SYNJ1: variants seen among roughly 807,000 people sequenced by gnomAD.
The protein encoded by SYNJ1 is synaptojanin 1, also known as polyphosphatidylinositol phosphatase SYNJ1.
A neutral mutation model predicts 168.2 loss-of-function variants in SYNJ1; 78 were observed. That is an observed-to-expected ratio of 0.46 (90% confidence interval 0.39 to 0.56). The LOEUF is 0.56. Ranked by LOEUF, SYNJ1 falls within the 20% of genes least tolerant of loss-of-function variation. The pLI is 0.00. For synonymous variants in SYNJ1, 539 were observed against 548.6 expected (o/e 0.98, Z 0.24); for missense variants, 1,303 against 1,597.6 (o/e 0.82, Z 3.14).
At chr21:32,697,992 T>A (rs2042270729) in intron 4 of SYNJ1, among the ~76,000 whole-genome samples, 1 of 152,192 alleles carries the variant, frequency 6.6e-6, no homozygotes, top group African/African-American at 2.4e-5. Flanking sequence ...GACTTCAACA[T>A]CTTCTACTAG....
chr21:32,708,779 G>A, intron 2 of SYNJ1, among the ~76,000 whole-genome samples: 1 of 127,974 alleles, frequency 7.8e-6, no homozygotes, highest in South Asian at 2.5e-4. Context: ...TTTTTCATTT[G>A]ATACCAGCTC....
In SYNJ1 at chr21:32,642,127, T is replaced by C. The variant is rs763211395; in HGVS notation, c.3485A>G (p.Lys1162Arg). Residue 1162 changes from lysine to arginine, a missense_variant, in exon 28 of 33, where the codon AAA (lysine) becomes AGA (arginine). Lys to Arg is a conservative substitution (Grantham distance 26, BLOSUM62 2). Around this residue, in one of 2 missense-constraint regions of SYNJ1, gnomAD observed 383 missense variants for 388.8 expected, o/e 0.99. Coordinates refer to ENST00000674351, the MANE Select transcript of SYNJ1 (RefSeq NM_203446.3). ...GVARREMEAP[K>R]SPGTTRKDNI... ...ATCTTTCCTTGTTGTTCCAGGGCTT[T>C]TGGGTGCTTTGAAGCAAGAAGGGAA... 1.7e-5 allele frequency: 27 copies of C among 1,613,958 alleles called. No homozygotes were observed. In the East Asian group the frequency reaches 6.0e-4, roughly 36 times the overall value.
intron 13 of SYNJ1, among the ~76,000 whole-genome samples, chr21:32,675,547 T>C (rs2041374643): frequency 6.6e-6 from 1 of 152,054 alleles, no homozygotes; most frequent in Admixed American, 6.5e-5. Context: ...CTCGAGAAAA[T>C]AATCAACAGC....
chr21:32,688,428 C>T, intron 6 of SYNJ1, 61 bp from the exon 7 acceptor site: 1 of 1,328,048 alleles, frequency 7.5e-7, no homozygotes, highest in South Asian at 1.3e-5. Context: ...AAAGAAATAT[C>T]ACTGCTTACA....
In SYNJ1 at chr21:32,689,250, G is replaced by T. The variant is rs140378327; in HGVS notation, c.790-883C>A. Among the ~76,000 whole-genome samples the T allele has an allele frequency of 1.4e-4, 22 of 152,246 alleles. No individual in the cohort carries two copies. The East Asian group carries it at 1.7e-3, about 12-fold the overall frequency. On this transcript the variant is annotated intron_variant, in intron 6 of 32. Coordinates refer to ENST00000674351, the MANE Select transcript of SYNJ1 (RefSeq NM_203446.3). ...CCCAATCACAACAAGGATCACTGAG[G>T]GGGGGCAAAAAAGTTGCCCAAAATT...
chr21:32,702,105 C>T, intron 2 of SYNJ1, 58 bp from the exon 3 acceptor site: 3 of 1,242,212 alleles, frequency 2.4e-6, no homozygotes, highest in Non-Finnish European at 3.4e-6. Flanking sequence ...TTCTATTTAG[C>T]TAAGTATAAA....
Position 32,637,406 on chromosome 21 carries a change from C to CTT in SYNJ1, c.3915+1500_3915+1501dup, listed in dbSNP as rs5843562. On this transcript the variant is annotated intron_variant, in intron 31 of 32. Transcript: ENST00000674351. ...TCACCATCCTCAATTTTTCTTTTTT[C>CTT]TTTTTTTTTTTTTTTTTTTTGAGAT... 4.7e-4 allele frequency among the ~76,000 whole-genome samples: 47 copies of CTT among 100,296 alleles called. 1 individual carries two copies. Among genetic ancestry groups the CTT allele is most frequent in the East Asian group, 8.5e-4 (3 of 3,544 alleles). The allele number at this position is 100,296 out of a possible 152,430, so 65.8% of individuals were successfully genotyped here.
chr21:32,702,207 CAA>C (rs2042430155), intron 2 of SYNJ1, among the ~76,000 whole-genome samples, 160 bp from the exon 3 acceptor site: 1 of 152,116 alleles, frequency 6.6e-6, no homozygotes, highest in Non-Finnish European at 1.5e-5. Flanking sequence ...GTATTCTTCC[CAA>C]AGAGTTAATA....
chr21:32,666,134 C>T lies in SYNJ1; in HGVS notation c.1954G>A (p.Asp652Asn), dbSNP rs1320488548. The T allele has an allele frequency of 6.3e-7, 1 of 1,582,552 alleles. No homozygotes were observed. The highest frequency in any genetic ancestry group is 1.2e-5 in the South Asian group (1 of 86,046). Residue 652 changes from aspartate to asparagine, a missense_variant and splice_region_variant, in exon 17 of 33, where the codon GAT becomes AAT. Around this residue, in one of 2 missense-constraint regions of SYNJ1, gnomAD observed 920 missense variants for 1,208.8 expected, o/e 0.76. Transcript: ENST00000674351. ...IRPQHAPFIR[D>N]VAVDTVKTGM... is the part of the protein sequence containing the mutation. ...GTCTTCACAGTATCAACTGCAACAT[C>T]CCTTTGAAACAAAGAATTCTAAATC...
chr21:32,639,731 G>A lies in SYNJ1; in HGVS notation c.3637C>T (p.Arg1213Trp), dbSNP rs779662077. The A allele has an allele frequency of 1.9e-5, 30 of 1,613,978 alleles. No individual in the cohort carries two copies. Among genetic ancestry groups the A allele is most frequent in the African/African-American group, 5.3e-5 (4 of 74,896 alleles). ...GVISAPQSHA[R>W]ASAGRLTPES... ...GGAGTCAGTCTTCCAGCAGATGCCC[G>A]CGCGTGGCTCTGTGGGGCACTGATA... Residue 1213 changes from arginine (R) to tryptophan (W), a missense_variant, in exon 30 of 33, where the codon CGG becomes TGG. Physicochemically the swap from Arg to Trp is moderately radical, Grantham distance 101. Coordinates refer to ENST00000674351, the MANE Select transcript of SYNJ1 (RefSeq NM_203446.3).
intron 18 of SYNJ1, 32 bp from the exon 19 acceptor site, chr21:32,657,904 C>A (rs777581206): frequency 1.1e-5 from 17 of 1,561,130 alleles, no homozygotes; most frequent in Non-Finnish European, 7.9e-6. Flanking sequence ...TAAGTTATTC[C>A]CAAACAGCAA....
chr21:32,666,197 A>T lies in SYNJ1; in HGVS notation c.1953-62T>A, dbSNP rs982915684. The T allele has an allele frequency of 2.0e-6, 3 of 1,532,790 alleles. No individual in the cohort carries two copies. In the African/African-American group the frequency reaches 4.1e-5, roughly 21 times the overall value. The allele number at this position is 1,532,790 out of a possible 1,614,324, so 94.9% of individuals were successfully genotyped here. On this transcript the variant is annotated intron_variant, in intron 16 of 32. Coordinates refer to ENST00000674351, the MANE Select transcript of SYNJ1 (RefSeq NM_203446.3). The stretch of plus-strand genomic sequence containing the variant: ...TTTCAAGAGTTCCATGTGCATAGGA[A>T]ATGAGGAATATACATAATCATTTAA...
intron 14 of SYNJ1, among the ~76,000 whole-genome samples, chr21:32,671,448 T>C (rs530181779): frequency 6.6e-6 from 1 of 152,336 alleles, no homozygotes; most frequent in East Asian, 1.9e-4. Context: ...CTAAGAAAGA[T>C]TATTTTTATC....
intron 6 of SYNJ1, among the ~76,000 whole-genome samples, chr21:32,692,907 T>C (rs1350703178): frequency 1.3e-5 from 2 of 152,064 alleles, no homozygotes; most frequent in African/African-American, 4.8e-5. Context: ...GGTATGTGCC[T>C]GTAGTCCCAG....
chr21:32,666,256 T>G lies in SYNJ1; in HGVS notation c.1953-121A>C. On this transcript the variant is annotated intron_variant, in intron 16 of 32. Transcript: ENST00000674351. ...GGTATGGTACTTTGAGGGCAAGCCT[T>G]TGAAATAGTACAGTGAAGCTATTGG... 3 of 1,431,714 alleles carry G rather than the reference T, an allele frequency of 2.1e-6. No homozygotes were observed. The South Asian group carries it at 4.2e-5, about 20-fold the overall frequency. 88.7% of individuals were successfully genotyped at this position (1,431,714 alleles called of 1,614,324 possible).
Position 32,665,079 on chromosome 21 carries a change from C to G in SYNJ1, c.2146-8G>C. ...GGAAAATAGCATCCTTCCCTGAAAG[C>G]AATGAGATAGAATTTTAAATTCAAA... On this transcript the variant is annotated splice_region_variant and splice_polypyrimidine_tract_variant and intron_variant, in intron 17 of 32. Transcript: ENST00000674351. The G allele has an allele frequency of 6.3e-7, 1 of 1,574,936 alleles. No individual in the cohort carries two copies. The highest frequency in any genetic ancestry group is 8.6e-7 in the Non-Finnish European group (1 of 1,159,600).
intron 7 of SYNJ1, among the ~76,000 whole-genome samples, 198 bp from the exon 8 acceptor site, chr21:32,687,272 TG>T (rs1333046741): frequency 6.6e-6 from 1 of 152,228 alleles, no homozygotes; most frequent in Non-Finnish European, 1.5e-5. Flanking sequence ...CTCTGACTTA[TG>T]GGTACTGAGA....
At chr21:32,690,560 T>C (rs1035814453) in intron 6 of SYNJ1, among the ~76,000 whole-genome samples, 1 of 152,148 alleles carries the variant, frequency 6.6e-6, no homozygotes, top group Non-Finnish European at 1.5e-5. Context: ...CTCCAGAAAG[T>C]GTTAAGGCTT....
At chr21:32,681,112 T>G (rs2041605071) in intron 11 of SYNJ1, among the ~76,000 whole-genome samples, 1 of 152,090 alleles carries the variant, frequency 6.6e-6, no homozygotes, top group Non-Finnish European at 1.5e-5. Context: ...CAAAGCCAAA[T>G]AAGAGAGAAC....
Sources: gnomAD v4.1 joint callset for allele counts (sites outside exome capture counted in the v4.1 genomes callset) on GRCh38, gnomAD v4.1.1 for gene constraint, gnomAD v4.1.1 regional missense constraint, MANE v1.5 for transcripts, NCBI Gene and HGNC (gene_info 2026-07-23, HGNC 2026-07-21) for gene names.